Variants in CNTN5 observed in about 807,000 individuals in gnomAD.
The protein encoded by CNTN5 is contactin-5.
Under a neutral mutation model 129.1 loss-of-function variants are expected in CNTN5, and 77 were observed. That is an observed-to-expected ratio of 0.60 (90% CI 0.50 to 0.72). The LOEUF is 0.72. Among genes scored for constraint, CNTN5 ranks in the 30% least tolerant of loss-of-function variants. CNTN5 has a pLI of 0.00. For synonymous variants in CNTN5, 509 were observed against 465.6 expected (o/e 1.09, Z -1.20); for missense variants, 1,478 against 1,328.8 (o/e 1.11, Z -1.75).
chr11:99,134,199 C>G (rs1859103450), intron 1 of CNTN5, among the ~76,000 whole-genome samples: 1 of 151,980 alleles, frequency 6.6e-6, no homozygotes, highest in South Asian at 2.1e-4. Context: ...GGGAGCTGAA[C>G]AATGAGAACA....
At chr11:99,822,457 G>A (rs1030058298) in intron 4 of CNTN5, among the ~76,000 whole-genome samples, 1 of 152,144 alleles carries the variant, frequency 6.6e-6, no homozygotes, top group African/African-American at 2.4e-5. Flanking sequence ...AATAGAGAGT[G>A]AACATGGTAA....
intron 2 of CNTN5, among the ~76,000 whole-genome samples, chr11:99,473,617 G>A (rs1945259671): frequency 6.6e-6 from 1 of 151,360 alleles, no homozygotes; most frequent in Non-Finnish European, 1.5e-5. Flanking sequence ...AGATTTATGT[G>A]TCCAACACTT....
Position 99,600,411 on chromosome 11 carries a change from T to A in CNTN5, c.55+44142T>A, listed in dbSNP as rs77676931. On this transcript the variant is annotated intron_variant, in intron 3 of 24. Coordinates refer to ENST00000524871, the MANE Select transcript of CNTN5 (RefSeq NM_014361.4). ...AATGTGACACATTTAATTATTTGCA[T>A]AATGATTATTTTACCTCATGTTAAT... is the stretch of plus-strand genomic sequence containing the variant. 5.1e-3 allele frequency among the ~76,000 whole-genome samples: 771 copies of A among 152,308 alleles called. 22 individuals carry two copies. In the East Asian group the frequency reaches 0.092, roughly 18 times the overall value.
At chr11:99,031,780 T>G (rs1046320487) in intron 1 of CNTN5, among the ~76,000 whole-genome samples, 9 of 152,148 alleles carry the variant, frequency 5.9e-5, no homozygotes, top group African/African-American at 2.2e-4. Context: ...TTTTTTATTA[T>G]TATACTTTAA....
At chr11:99,994,436 G>A (rs1305700299) in intron 8 of CNTN5, among the ~76,000 whole-genome samples, 1 of 152,102 alleles carries the variant, frequency 6.6e-6, no homozygotes, top group Non-Finnish European at 1.5e-5. Flanking sequence ...CCGTAGCTTT[G>A]GAGGTTGAAG....
intron 1 of CNTN5, among the ~76,000 whole-genome samples, chr11:99,273,139 T>C (rs1317667103): frequency 6.6e-6 from 1 of 151,738 alleles, no homozygotes; most frequent in Non-Finnish European, 1.5e-5. Flanking sequence ...ACGTAAATCC[T>C]AGAGTTATGA....
Position 99,213,355 on chromosome 11 carries a change from T to TACATATATACAC in CNTN5, c.-209-111991_-209-111990insACATATATACAC, listed in dbSNP as rs1491328315. 2.8e-3 allele frequency among the ~76,000 whole-genome samples: 313 copies of TACATATATACAC among 110,956 alleles called. 1 individual carries two copies. Among genetic ancestry groups the TACATATATACAC allele is most frequent in the African/African-American group, 9.7e-3 (310 of 31,872 alleles). The allele number at this position is 110,956 out of a possible 152,430, so 72.8% of individuals were successfully genotyped here. ...ATATACATATATAAAATATTATATA[T>TACATATATACAC]GTGTATATATGTATATATGTATATA... On this transcript the variant is annotated intron_variant, in intron 1 of 24. Transcript: ENST00000524871.
intron 13 of CNTN5, among the ~76,000 whole-genome samples, chr11:100,123,860 A>C (rs1264390120): frequency 1.3e-5 from 2 of 152,030 alleles, no homozygotes; most frequent in Non-Finnish European, 2.9e-5. Flanking sequence ...TAGTTTTTAA[A>C]ATTATTAGCT....
At chr11:99,818,970 G>C (rs982192591) in intron 3 of CNTN5, among the ~76,000 whole-genome samples, 3 of 151,928 alleles carry the variant, frequency 2.0e-5, no homozygotes, top group Non-Finnish European at 4.4e-5. Context: ...GTATTACTTA[G>C]AGCCTAGTTA....
intron 1 of CNTN5, among the ~76,000 whole-genome samples, chr11:99,292,929 A>T (rs1035893710): frequency 2.0e-5 from 3 of 152,168 alleles, no homozygotes; most frequent in Non-Finnish European, 4.4e-5. Flanking sequence ...TTATTCATGT[A>T]TAAGGCTGGC....
chr11:99,276,592 T>G (rs1035780519), intron 1 of CNTN5, among the ~76,000 whole-genome samples: 5 of 151,586 alleles, frequency 3.3e-5, no homozygotes, highest in Non-Finnish European at 7.4e-5. Context: ...ATATTAAATA[T>G]AAATTGTTAA....
At chr11:99,454,302 A>G (rs1422378772) in intron 2 of CNTN5, among the ~76,000 whole-genome samples, 2 of 152,212 alleles carry the variant, frequency 1.3e-5, no homozygotes, top group Non-Finnish European at 2.9e-5. Context: ...TTCCCACCCA[A>G]ATCTTATCTT....
At chr11:99,333,169 T>C (rs1420238065) in intron 2 of CNTN5, among the ~76,000 whole-genome samples, 4 of 152,080 alleles carry the variant, frequency 2.6e-5, no homozygotes, top group Non-Finnish European at 2.9e-5. Flanking sequence ...ATGCTTTTAT[T>C]TTAATGCTAC....
At chr11:99,489,130 C>T (rs1043726819) in intron 2 of CNTN5, among the ~76,000 whole-genome samples, 1 of 151,928 alleles carries the variant, frequency 6.6e-6, no homozygotes, top group Non-Finnish European at 1.5e-5. Context: ...CAATTGATTA[C>T]TTTCTTTCCG....
At chr11:99,618,582 A>T (rs1950831765) in intron 3 of CNTN5, among the ~76,000 whole-genome samples, 1 of 152,192 alleles carries the variant, frequency 6.6e-6, no homozygotes, top group African/African-American at 2.4e-5. Context: ...CACTCAATAG[A>T]TGTTGCCATT....
intron 9 of CNTN5, among the ~76,000 whole-genome samples, chr11:100,030,591 T>TA (rs1469925433): frequency 6.6e-6 from 1 of 152,202 alleles, no homozygotes; most frequent in Non-Finnish European, 1.5e-5. Context: ...CGCTTGTCTC[T>TA]ATTTGACTTT....
chr11:99,373,706 C>A (rs1453220837), intron 2 of CNTN5, among the ~76,000 whole-genome samples: 2 of 82,902 alleles, frequency 2.4e-5, no homozygotes, highest in Non-Finnish European at 5.0e-5. Flanking sequence ...AGGAAAACTC[C>A]GTCTCAAAAA....
At chr11:99,764,727 A>G (rs1022905601) in intron 3 of CNTN5, among the ~76,000 whole-genome samples, 1 of 152,146 alleles carries the variant, frequency 6.6e-6, no homozygotes, top group Non-Finnish European at 1.5e-5. Context: ...AATACATTCA[A>G]CATCTCATTT....
chr11:100,238,484 AAGC>A (rs1279587766), intron 16 of CNTN5, among the ~76,000 whole-genome samples: 7 of 145,140 alleles, frequency 4.8e-5, no homozygotes, highest in Admixed American at 6.9e-5. Context: ...GGAGAAGCAG[AAGC>A]AGCAGCAGCA....
Sources: allele counts gnomAD v4.1 joint callset (sites outside exome capture counted in the v4.1 genomes callset), GRCh38; gene constraint gnomAD v4.1.1; transcripts MANE v1.5; gene names NCBI Gene and HGNC (gene_info 2026-07-23, HGNC 2026-07-21).